Variants in ZNF91 observed in about 807,000 individuals in gnomAD.
ZNF91 encodes zinc finger protein 91, also known as zinc finger protein 91 (HPF7, HTF10).
A neutral mutation model predicts 12.6 loss-of-function variants in ZNF91; 7 were observed. The ratio of observed to expected loss-of-function variants is 0.55; its 90% CI spans 0.31 to 1.04. The LOEUF (loss-of-function observed/expected upper bound fraction) is 1.04. ZNF91 is among the 50% of genes least tolerant of loss of function. The pLI is 0.05. For synonymous variants in ZNF91, 453 were observed against 462.6 expected (o/e 0.98, Z 0.27); for missense variants, 1,217 against 1,385.4 (o/e 0.88, Z 1.93).
At position 23,347,035 on chromosome 19, in the gene ZNF91, A is replaced by T. The variant is rs1568375831; in HGVS notation, c.254-7981T>A. Among the ~76,000 whole-genome samples, 4 of 151,996 alleles carry T rather than the reference A, an allele frequency of 2.6e-5. No homozygotes were observed. The South Asian group carries it at 8.3e-4, about 32-fold the overall frequency. On this transcript the variant is annotated intron_variant, in intron 3 of 3. Coordinates refer to the ZNF91 transcript ENST00000599743. ...AACCTAACAGACCAACCCCTTCCAG[A>T]TGCCTCTTTACTTGGTTTGTAGATG... is the stretch of plus-strand genomic sequence containing the variant.
At chr19:23,336,863 A>C (rs1027645351), downstream of ZNF91, among the ~76,000 whole-genome samples, 2 of 152,068 alleles carry the variant, frequency 1.3e-5, no homozygotes, top group Non-Finnish European at 2.9e-5. Context: ...TCCGCCCCCC[A>C]GGTTCATGCC....
At chr19:23,374,950 A>G (rs1472502877) in intron 1 of ZNF91, among the ~76,000 whole-genome samples, 186 bp from the exon 2 acceptor site, 1 of 152,236 alleles carries the variant, frequency 6.6e-6, no homozygotes, top group Non-Finnish European at 1.5e-5. Context: ...CTGAGAAAAG[A>G]GAGTGGCATA....
chr19:23,374,800 T>C (rs1301810514), intron 1 of ZNF91, 36 bp from the exon 2 acceptor site: 5 of 1,599,428 alleles, frequency 3.1e-6, no homozygotes, highest in Non-Finnish European at 4.3e-6. Flanking sequence ...ATTTACAAAG[T>C]GGCTATGGGC....
At position 23,374,788 on chromosome 19, in the gene ZNF91, A is replaced by G. The variant is rs746125617; in HGVS notation, c.31-24T>C. 4 of 1,603,040 alleles carry G rather than the reference A, an allele frequency of 2.5e-6. No individual in the cohort carries two copies. In the Admixed American group the frequency reaches 6.7e-5, roughly 27 times the overall value. On this transcript the variant is annotated intron_variant, in intron 1 of 3. Coordinates refer to ENST00000300619, the MANE Select transcript of ZNF91 (RefSeq NM_003430.4). The stretch of plus-strand genomic sequence containing the variant: ...CCCTGAAAAACACACACAAACACAC[A>G]TATTTACAAAGTGGCTATGGGCAGA...
At chr19:23,330,106 G>T (rs1022362382) in intron 1 of ZNF91, among the ~76,000 whole-genome samples, 1 of 152,100 alleles carries the variant, frequency 6.6e-6, no homozygotes, top group Non-Finnish European at 1.5e-5. Flanking sequence ...AGGCTGAGGC[G>T]GATCACCTGA....
At chr19:23,382,893 C>G (rs1277015093) in intron 1 of ZNF91, among the ~76,000 whole-genome samples, 2 of 152,110 alleles carry the variant, frequency 1.3e-5, no homozygotes, top group African/African-American at 2.4e-5. Context: ...AGCCAAGGAC[C>G]AGACATTCAC....
chr19:23,338,629 T>C (rs952210961), downstream of ZNF91: 1 of 150,702 alleles, frequency 6.6e-6, no homozygotes. Context: ...AATCACAACA[T>C]GACAGAATTT....
intron 3 of ZNF91, among the ~76,000 whole-genome samples, chr19:23,368,546 C>CTCTCTCTCTCTG (rs1969117114): frequency 1.1e-5 from 1 of 92,646 alleles, no homozygotes; most frequent in Non-Finnish European, 2.4e-5. Context: ...CTCTCTCTCT[C>CTCTCTCTCTCTG]TCTCTCTCTC....
At position 23,373,772 on chromosome 19, in the gene ZNF91, T is replaced by C; in HGVS notation, c.223A>G (p.Lys75Glu). Reference sequence around the variant, plus strand: ...GGTTCATCCACCATCTCATGTTGCTTCATATTCCAGGGCTCTTTTCCTTGC... The same window carrying C: ...GGTTCATCCACCATCTCATGTTGCTCCATATTCCAGGGCTCTTTTCCTTGC... ...LEQGKEPWNMKQHEMVDEPTG... is the reference protein window; with the variant it reads ...LEQGKEPWNMEQHEMVDEPTG... The change falls in exon 3 of 4, where the codon AAG (lysine) becomes GAG (glutamate). Residue 75 changes from lysine to glutamate, a missense_variant. This residue lies in a region of ZNF91 where 726 missense variants were observed against 895.5 expected (regional missense o/e 0.81). Coordinates refer to ENST00000300619, the MANE Select transcript of ZNF91 (RefSeq NM_003430.4). 6.2e-7 allele frequency: 1 copy of C among 1,611,426 alleles called. No homozygotes were observed. The highest frequency in any genetic ancestry group is 2.2e-5 in the East Asian group (1 of 44,658).
rs766964707 is a variant in ZNF91 at position 23,359,400 on chromosome 19, T to C, written c.*3A>G. On this transcript the variant is annotated 3_prime_UTR_variant, in exon 4 of 4. Transcript: ENST00000300619. Reference sequence around the variant, plus strand: ...ACCACGCCCGGCTAATTTTTTGTATTTTTTAGTAGAGAAGGGGTTTCACTG... The same window carrying C: ...ACCACGCCCGGCTAATTTTTTGTATCTTTTAGTAGAGAAGGGGTTTCACTG... The C allele has an allele frequency of 7.1e-5, 74 of 1,045,204 alleles. No homozygotes were observed. In the African/African-American group the frequency reaches 1.1e-3, roughly 16 times the overall value. The allele number at this position is 1,045,204 out of a possible 1,614,324, so 64.7% of individuals were successfully genotyped here. A position where few individuals can be genotyped will look rare whatever the true frequency, so the allele number is the denominator to read the frequency against.
intron 1 of ZNF91, among the ~76,000 whole-genome samples, chr19:23,329,378 A>G (rs1253108618): frequency 2.0e-5 from 3 of 152,196 alleles, no homozygotes; most frequent in African/African-American, 7.2e-5. Context: ...AATTAGGAGC[A>G]TCAGAACTCC....
At position 23,349,004 on chromosome 19, in the gene ZNF91, T is replaced by C. The variant is rs1306282152; in HGVS notation, c.254-9950A>G. Among the ~76,000 whole-genome samples the C allele has an allele frequency of 2.6e-5, 4 of 152,120 alleles. No individual in the cohort carries two copies. In the South Asian group the frequency reaches 8.3e-4, roughly 32 times the overall value. Reference sequence around the variant, plus strand: ...TGCAGTGTCTTCAGGCTTGCTAGGATTGGGAAATTCCAGCCTAGTGAATTC... The same window carrying C: ...TGCAGTGTCTTCAGGCTTGCTAGGACTGGGAAATTCCAGCCTAGTGAATTC... On this transcript the variant is annotated intron_variant, in intron 3 of 3. Coordinates refer to the ZNF91 transcript ENST00000599743.
At chr19:23,313,721 T>G (rs371860201), upstream of ZNF91, among the ~76,000 whole-genome samples, 74 of 152,292 alleles carry the variant, frequency 4.9e-4, no homozygotes, top group East Asian at 0.011. Flanking sequence ...AATCTCACAT[T>G]AGGAGGAAGT....
intron 3 of ZNF91, among the ~76,000 whole-genome samples, chr19:23,341,337 C>T (rs1243277088): frequency 6.6e-6 from 1 of 152,138 alleles, no homozygotes; most frequent in Non-Finnish European, 1.5e-5. Context: ...GCGTGAGCTA[C>T]CACGCCTGGC....
chr19:23,339,376 G>T (rs1968079316), intron 3 of ZNF91: 1 of 151,980 alleles, frequency 6.6e-6, no homozygotes, highest in Non-Finnish European at 1.5e-5. Flanking sequence ...GATTTACAAA[G>T]AAATATTATT....
At chr19:23,379,422 T>C (rs1441878211) in intron 1 of ZNF91, among the ~76,000 whole-genome samples, 2 of 152,168 alleles carry the variant, frequency 1.3e-5, no homozygotes, top group Non-Finnish European at 2.9e-5. Flanking sequence ...ACCACAGTAA[T>C]AGAACAGAAA....
chr19:23,367,403 C>A (rs1599732862), intron 3 of ZNF91, among the ~76,000 whole-genome samples: 1 of 151,840 alleles, frequency 6.6e-6, no homozygotes, highest in African/African-American at 2.4e-5. Flanking sequence ...CTGAAAAATC[C>A]AAAAATACAT....
chr19:23,310,061 T>C (rs574345246), intron 1 of ZNF91, among the ~76,000 whole-genome samples: 9 of 152,298 alleles, frequency 5.9e-5, no homozygotes, highest in African/African-American at 2.2e-4. Flanking sequence ...CTCTCCTATC[T>C]GGACCCAGCC....
chr19:23,315,471 C>G (rs750947455), upstream of ZNF91, among the ~76,000 whole-genome samples: 8 of 152,172 alleles, frequency 5.3e-5, no homozygotes, highest in Non-Finnish European at 1.0e-4. Context: ...TGAATTACCA[C>G]TAGGCCCAGC....
Sources: allele counts gnomAD v4.1 joint callset (sites outside exome capture counted in the v4.1 genomes callset), GRCh38; gene constraint gnomAD v4.1.1; regional missense constraint gnomAD v4.1.1; transcripts MANE v1.5; gene names NCBI Gene and HGNC (gene_info 2026-07-23, HGNC 2026-07-21).